Variants in SCIN observed in about 807,000 individuals in gnomAD.
SCIN encodes the protein scinderin.
A neutral mutation model predicts 91.8 loss-of-function variants in SCIN; 91 were observed. That is an observed-to-expected ratio of 0.99 (90% CI 0.84 to 1.18). The LOEUF (loss-of-function observed/expected upper bound fraction) is 1.18, where lower values mean the gene tolerates loss of function less well. SCIN is among the 50% of genes most tolerant of loss of function. SCIN has a pLI of 0.00. For missense variants in SCIN, 1,087 were observed against 863.9 expected, an observed-to-expected ratio of 1.26 and a Z score of -3.24; for synonymous variants, 367 against 312.6, an observed-to-expected ratio of 1.17 and a Z score of -1.84.
chr7:12,585,904 T>G (rs891394365), intron 3 of SCIN, among the ~76,000 whole-genome samples: 4 of 152,210 alleles, frequency 2.6e-5, no homozygotes, highest in African/African-American at 9.6e-5. Flanking sequence ...TATTTTCTCA[T>G]CCTTTGATAT....
chr7:12,650,309 T>G lies in SCIN; in HGVS notation c.1959+765T>G, dbSNP rs1341332530. Among the ~76,000 whole-genome samples the G allele has an allele frequency of 2.6e-5, 4 of 152,210 alleles. No individual in the cohort carries two copies. In the East Asian group the frequency reaches 7.7e-4, roughly 29 times the overall value. On this transcript the variant is annotated intron_variant, in intron 14 of 15. Transcript: ENST00000297029. Reference sequence around the variant, plus strand: ...CTCAGATTCTTGCCAAGTGAATGGATTACTTATTTCTAGATGAGAATTAAA... The same window carrying G: ...CTCAGATTCTTGCCAAGTGAATGGAGTACTTATTTCTAGATGAGAATTAAA...
chr7:12,621,343 T>C (rs190175964), intron 4 of SCIN, among the ~76,000 whole-genome samples: 12 of 152,240 alleles, frequency 7.9e-5, no homozygotes, highest in African/African-American at 2.9e-4. Flanking sequence ...TGGGTTCAAT[T>C]CCCAACTATG....
chr7:12,625,157 T>C lies in SCIN; in HGVS notation c.892+15T>C, dbSNP rs1174216473. The C allele has an allele frequency of 6.2e-7, 1 of 1,602,248 alleles. No individual in the cohort carries two copies. The highest frequency in any genetic ancestry group is 1.3e-5 in the African/African-American group (1 of 74,590). On this transcript the variant is annotated intron_variant, in intron 6 of 15. Coordinates refer to ENST00000297029, the MANE Select transcript of SCIN (RefSeq NM_001112706.3). ...CGTATGGAAAGGTAAAAAATTCCAT[T>C]GACGATGCTGTATTTCAGATTTATA...
chr7:12,638,922 A>T (rs2115291258), intron 10 of SCIN, among the ~76,000 whole-genome samples: 1 of 152,314 alleles, frequency 6.6e-6, no homozygotes, highest in East Asian at 1.9e-4. Flanking sequence ...GAAGACATGC[A>T]TTGTCTTACA....
At chr7:12,619,570 A>G (rs1436707626) in intron 4 of SCIN, among the ~76,000 whole-genome samples, 1 of 152,000 alleles carries the variant, frequency 6.6e-6, no homozygotes, top group Non-Finnish European at 1.5e-5. Context: ...AACAAACACC[A>G]AGGGTGGTCT....
chr7:12,642,531 A>G (rs1037979849), intron 11 of SCIN, among the ~76,000 whole-genome samples: 4 of 150,532 alleles, frequency 2.7e-5, no homozygotes, highest in Non-Finnish European at 4.4e-5. Context: ...GAGTGTTTTC[A>G]CTCACTCACC....
intron 4 of SCIN, among the ~76,000 whole-genome samples, chr7:12,622,301 A>G (rs1462124838): frequency 6.6e-6 from 1 of 152,162 alleles, no homozygotes; most frequent in East Asian, 1.9e-4. Context: ...TACAGCAGAA[A>G]ACGAAGCATG....
rs1220243416 is a variant in SCIN at position 12,653,329 on chromosome 7, T to C, written c.*614T>C. On this transcript the variant is annotated 3_prime_UTR_variant, in exon 16 of 16. Coordinates refer to ENST00000297029, the MANE Select transcript of SCIN (RefSeq NM_001112706.3). This position sits in a 1 kb window ranked among gnomAD's most constrained non-coding sequence, Gnocchi z 4.1. The stretch of plus-strand genomic sequence containing the variant: ...GCATAATCTAGAAAGATTTGTCAGA[T>C]AGGAAATTTTATAATGCATTAGCCA... 2.6e-5 allele frequency: 4 copies of C among 152,262 alleles called. No individual in the cohort carries two copies. Among genetic ancestry groups the C allele is most frequent in the South Asian group, 4.2e-4 (2 of 4,816 alleles). 9.4% of individuals were successfully genotyped at this position (152,262 alleles called of 1,614,324 possible).
chr7:12,653,194 A>C lies in SCIN; in HGVS notation c.*479A>C, dbSNP rs891891665. ...ATTCTTCTTCACCTGGAGTTTTCTTACGTTAATACATTAAAATAACCTGAA... is the reference window on the plus strand; with the variant it reads ...ATTCTTCTTCACCTGGAGTTTTCTTCCGTTAATACATTAAAATAACCTGAA... On this transcript the variant is annotated 3_prime_UTR_variant, in exon 16 of 16. Transcript: ENST00000297029. This position sits in a 1 kb window ranked among gnomAD's most constrained non-coding sequence, Gnocchi z 4.1. 9.9e-5 allele frequency: 15 copies of C among 152,166 alleles called. No individual in the cohort carries two copies. Among genetic ancestry groups the C allele is most frequent in the African/African-American group, 3.6e-4 (15 of 41,358 alleles). The allele number at this position is 152,166 out of a possible 1,614,324, so 9.4% of individuals were successfully genotyped here.
At chr7:12,593,295 T>G (rs187361883) in intron 3 of SCIN, among the ~76,000 whole-genome samples, 3 of 152,276 alleles carry the variant, frequency 2.0e-5, no homozygotes, top group Admixed American at 6.5e-5. Flanking sequence ...TCTTTGGGCT[T>G]TATCTAATTT....
rs755449537 is a variant in SCIN at position 12,622,751 on chromosome 7, C to G, written c.667-50C>G. ...TAAGTGTATTTTTCTAACTCTGCAT[C>G]CTTCAATGGGAGATCTTTATCTTTG... On this transcript the variant is annotated intron_variant, in intron 4 of 15. Transcript: ENST00000297029. The G allele has an allele frequency of 5.6e-6, 7 of 1,240,748 alleles. No homozygotes were observed. The Admixed American group carries it at 7.2e-5, about 13-fold the overall frequency. The allele number at this position is 1,240,748 out of a possible 1,614,324, so 76.9% of individuals were successfully genotyped here. A position where few individuals can be genotyped will look rare whatever the true frequency, so the allele number is the denominator to read the frequency against.
chr7:12,615,221 G>T (rs1229832158), intron 4 of SCIN, among the ~76,000 whole-genome samples: 1 of 152,142 alleles, frequency 6.6e-6, no homozygotes, highest in African/African-American at 2.4e-5. Context: ...CACAGTGTTT[G>T]TACTCAGTGG....
intron 2 of SCIN, 35 bp from the exon 3 acceptor site, chr7:12,581,025 T>C: frequency 6.5e-7 from 1 of 1,543,122 alleles, no homozygotes; most frequent in East Asian, 2.5e-5. Flanking sequence ...GTTTTCTCTT[T>C]GTTTTTTGTG....
At position 12,598,221 on chromosome 7, in the gene SCIN, C is replaced by CT. The variant is rs545724827; in HGVS notation, c.517-6286dup. On this transcript the variant is annotated intron_variant, in intron 3 of 15. Coordinates refer to ENST00000297029, the MANE Select transcript of SCIN (RefSeq NM_001112706.3). ...TATTTACCTATCACATTTATTCAGA[C>CT]TTTTTTTAACTTTATGAAGGAATTT... 2.6e-5 allele frequency among the ~76,000 whole-genome samples: 4 copies of CT among 152,122 alleles called. No individual in the cohort carries two copies. The South Asian group carries it at 6.2e-4, about 24-fold the overall frequency.
chr7:12,630,199 C>G (rs1172698044), intron 9 of SCIN, among the ~76,000 whole-genome samples: 5 of 151,616 alleles, frequency 3.3e-5, no homozygotes, highest in African/African-American at 9.7e-5. Flanking sequence ...GTGCCTTGAG[C>G]CCAGTCAAGT....
intron 1 of SCIN, among the ~76,000 whole-genome samples, chr7:12,575,950 C>T (rs1406591828): frequency 6.6e-6 from 1 of 152,150 alleles, no homozygotes; most frequent in Non-Finnish European, 1.5e-5. Flanking sequence ...CAGATATTCC[C>T]TGGCCAACCA....
rs1490309015 is a variant in SCIN at position 12,644,324 on chromosome 7, T to TCCC, written c.1759+10_1759+11insCCC. The TCCC allele has an allele frequency of 6.4e-7, 1 of 1,574,104 alleles. No individual in the cohort carries two copies. Among genetic ancestry groups the TCCC allele is most frequent in the South Asian group, 1.2e-5 (1 of 85,828 alleles). ...AGAAGGCGAGGAGCCAGGTGTGTGC[T>TCCC]CTGGGGCCAAGGGCACTAACTAGAA... On this transcript the variant is annotated intron_variant, in intron 12 of 15. Transcript: ENST00000297029.
At chr7:12,599,245 A>G (rs1336555309) in intron 3 of SCIN, among the ~76,000 whole-genome samples, 1 of 152,230 alleles carries the variant, frequency 6.6e-6, no homozygotes, top group South Asian at 2.1e-4. Context: ...TTTCACTTTA[A>G]TGTAAAATAT....
chr7:12,578,630 G>C (rs1049103317), intron 2 of SCIN, among the ~76,000 whole-genome samples: 2 of 151,966 alleles, frequency 1.3e-5, no homozygotes, highest in African/African-American at 4.8e-5. Context: ...CAAAATCTCA[G>C]TTGTTCTGGA....
Sources: gnomAD v4.1 joint callset for allele counts (sites outside exome capture counted in the v4.1 genomes callset) on GRCh38, gnomAD v4.1.1 for gene constraint, Gnocchi (gnomAD v3.1) non-coding constraint, MANE v1.5 for transcripts, NCBI Gene and HGNC (gene_info 2026-07-23, HGNC 2026-07-21) for gene names.